The following PTPRM variants were observed in gnomAD, a reference collection of about 807,000 sequenced individuals.
PTPRM encodes protein tyrosine phosphatase receptor type M.
A neutral mutation model predicts 186.7 loss-of-function variants in PTPRM; 47 were observed. The ratio of observed to expected loss-of-function variants is 0.25; its 90% confidence interval spans 0.20 to 0.32. The LOEUF (loss-of-function observed/expected upper bound fraction) is 0.32. PTPRM is among the 10% of genes least tolerant of loss of function. The pLI is 1.00. For missense variants in PTPRM, 1,494 were observed against 1,865.0 expected, an observed-to-expected ratio of 0.80 and a Z score of 3.66; for synonymous variants, 668 against 674.9, an observed-to-expected ratio of 0.99 and a Z score of 0.16.
At chr18:7,883,849 T>C (rs1353398322) in intron 2 of PTPRM, among the ~76,000 whole-genome samples, 1 of 152,096 alleles carries the variant, frequency 6.6e-6, no homozygotes, top group Non-Finnish European at 1.5e-5. Flanking sequence ...AGATAAATGG[T>C]AAAGAATTCC....
chr18:8,363,604 G>A (rs2095610069), intron 23 of PTPRM, among the ~76,000 whole-genome samples: 1 of 152,182 alleles, frequency 6.6e-6, no homozygotes, highest in Non-Finnish European at 1.5e-5. Context: ...TATTGCCCTT[G>A]CTGGTGGCAA....
intron 14 of PTPRM, among the ~76,000 whole-genome samples, chr18:8,166,890 C>T (rs969182359): frequency 1.3e-5 from 2 of 152,114 alleles, no homozygotes. Context: ...TAAAATAGAC[C>T]TAGGCAAAGA....
intron 23 of PTPRM, among the ~76,000 whole-genome samples, chr18:8,352,652 G>GTTTTTTTTTTTTTTTTTTTTTTTTTTTTT (rs142090056): frequency 9.8e-6 from 1 of 102,226 alleles, no homozygotes; most frequent in Non-Finnish European, 2.2e-5. Flanking sequence ...TTTTTGGTTT[G>GTTTTTTTTTTTTTTTTTTTTTTTTTTTTT]GTTTTTTTTG....
intron 2 of PTPRM, among the ~76,000 whole-genome samples, chr18:7,859,204 G>T (rs569628184): frequency 6.6e-6 from 1 of 152,250 alleles, no homozygotes; most frequent in Non-Finnish European, 1.5e-5. Flanking sequence ...TATATGTATA[G>T]ATATATATGA....
Position 8,370,998 on chromosome 18 carries a change from G to T in PTPRM, c.3163G>T (p.Val1055Phe). 3 of 1,581,070 alleles carry T rather than the reference G, an allele frequency of 1.9e-6. No homozygotes were observed. The highest frequency in any genetic ancestry group is 2.6e-6 in the Non-Finnish European group (3 of 1,152,608). The change falls in exon 24 of 33, where the codon GTT becomes TTT. Residue 1055 changes from valine to phenylalanine, a missense_variant. By Grantham distance (50) the Val-to-Phe change is conservative (BLOSUM62 -1). Coordinates refer to ENST00000580170, the MANE Select transcript of PTPRM (RefSeq NM_001105244.2). ...AGAATATGTGATAAGAACATTTGCT[G>T]TTGAAAAGGTAAGTTTTCATACTGC... ...LAEYVIRTFA[V>F]EKRGVHEIRE...
intron 19 of PTPRM, among the ~76,000 whole-genome samples, chr18:8,266,818 G>A (rs1472636220): frequency 6.6e-6 from 1 of 152,052 alleles, no homozygotes. Context: ...TGAGGCAGGA[G>A]AATTGCTTGA....
In PTPRM at chr18:7,888,277, G is replaced by A. The variant is rs201499307; in HGVS notation, c.368G>A (p.Gly123Glu). The stretch of plus-strand genomic sequence containing the variant: ...AATGTCTACGTGAAGGTCAATAACG[G>A]GCCACTGGGGAATCCTATCTGGAAT... ...LLNVYVKVNN[G>E]PLGNPIWNIS... is the part of the protein sequence containing the mutation. Residue 123 changes from glycine to glutamate, a missense_variant, in exon 3 of 33, where the codon GGG becomes GAG. Coordinates refer to ENST00000580170, the MANE Select transcript of PTPRM (RefSeq NM_001105244.2). 6.2e-7 allele frequency: 1 copy of A among 1,614,090 alleles called. No individual in the cohort carries two copies. Among genetic ancestry groups the A allele is most frequent in the East Asian group, 2.2e-5 (1 of 44,882 alleles).
intron 2 of PTPRM, among the ~76,000 whole-genome samples, chr18:7,836,161 T>C (rs2046038002): frequency 6.6e-6 from 1 of 152,134 alleles, no homozygotes; most frequent in African/African-American, 2.4e-5. Context: ...TGTTTTGTGA[T>C]CTTCTCTTAT....
rs143671854 is a variant in PTPRM, at chr18:8,288,454, G to A, written c.2755-7914G>A. ...GAGTAGTGCCGGCCAAGAAAGGGTTGAATATCCCCTAACACCCACCGTCTG... is the reference window on the plus strand; with the variant it reads ...GAGTAGTGCCGGCCAAGAAAGGGTTAAATATCCCCTAACACCCACCGTCTG... On this transcript the variant is annotated intron_variant, in intron 19 of 32. Transcript: ENST00000580170. 4.4e-3 allele frequency among the ~76,000 whole-genome samples: 669 copies of A among 152,264 alleles called. 5 individuals carry two copies. The highest frequency in any genetic ancestry group is 0.016 in the African/African-American group (645 of 41,556).
In PTPRM at chr18:7,899,221, G is replaced by A. The variant is rs60834609; in HGVS notation, c.469-7284G>A. Among the ~76,000 whole-genome samples, 368 of 152,264 alleles carry A rather than the reference G, an allele frequency of 2.4e-3. 2 individuals are homozygous for A. Among genetic ancestry groups the A allele is most frequent in the African/African-American group, 8.5e-3 (352 of 41,556 alleles). ...AAAAGCATGGCACTAACTAGACCAC[G>A]ATAAGGATACTCTTTTATAGTATCA... On this transcript the variant is annotated intron_variant, in intron 3 of 32. Transcript: ENST00000580170.
chr18:8,126,002 T>TTTTAA (rs2092336661), intron 13 of PTPRM, among the ~76,000 whole-genome samples: 3 of 18,056 alleles, frequency 1.7e-4, no homozygotes, highest in Non-Finnish European at 3.3e-4. Context: ...TATATATATA[T>TTTTAA]ATATATATAT....
intron 7 of PTPRM, among the ~76,000 whole-genome samples, chr18:8,047,807 A>G (rs1422924167): frequency 2.0e-5 from 3 of 152,124 alleles, no homozygotes; most frequent in Non-Finnish European, 4.4e-5. Flanking sequence ...ATGTTGGTGG[A>G]CTGTGAAGAT....
At chr18:7,795,445 GA>G (rs940083088) in intron 2 of PTPRM, among the ~76,000 whole-genome samples, 9 of 149,104 alleles carry the variant, frequency 6.0e-5, no homozygotes, top group African/African-American at 2.0e-4. Flanking sequence ...TAGGTTTATA[GA>G]AGAAATTAAT....
intron 7 of PTPRM, among the ~76,000 whole-genome samples, chr18:8,046,603 GCCCCAGT>G (rs2087078465): frequency 6.6e-6 from 1 of 152,054 alleles, no homozygotes; most frequent in South Asian, 2.1e-4. Context: ...CCTCCCCAGG[GCCCCAGT>G]CCGTGTGTCT....
At chr18:8,221,588 G>A (rs964791625) in intron 14 of PTPRM, among the ~76,000 whole-genome samples, 2 of 152,166 alleles carry the variant, frequency 1.3e-5, no homozygotes, top group Non-Finnish European at 2.9e-5. Flanking sequence ...ACAAAAGTGA[G>A]GTACAACAGC....
chr18:8,082,478 C>CCTCCCTCCTTTTCTCCCTCCTTCT (rs2090180478), intron 9 of PTPRM, among the ~76,000 whole-genome samples: 1 of 147,022 alleles, frequency 6.8e-6, no homozygotes, highest in Non-Finnish European at 1.5e-5. Flanking sequence ...ACCCTCCCTC[C>CCTCCCTCCTTTTCTCCCTCCTTCT]CTCCCTCCTT....
At chr18:8,186,434 T>C (rs1601088682) in intron 14 of PTPRM, among the ~76,000 whole-genome samples, 1 of 152,264 alleles carries the variant, frequency 6.6e-6, no homozygotes, top group African/African-American at 2.4e-5. Context: ...GTATGAGGGC[T>C]CTTTCCATGT....
chr18:8,296,073 T>C (rs2095093908), intron 19 of PTPRM, among the ~76,000 whole-genome samples: 1 of 152,228 alleles, frequency 6.6e-6, no homozygotes, highest in Non-Finnish European at 1.5e-5. Flanking sequence ...AATATTCAGC[T>C]GAGATGGGGA....
At chr18:8,178,553 G>A (rs557388850) in intron 14 of PTPRM, among the ~76,000 whole-genome samples, 81 of 152,218 alleles carry the variant, frequency 5.3e-4, no homozygotes, top group South Asian at 1.5e-3. Context: ...GGAGGCCGAG[G>A]CAGGTGGATG....
Sources: allele counts gnomAD v4.1 joint callset (sites outside exome capture counted in the v4.1 genomes callset), GRCh38; gene constraint gnomAD v4.1.1; transcripts MANE v1.5; gene names NCBI Gene and HGNC (gene_info 2026-07-23, HGNC 2026-07-21).